SYNPO2: variants seen among roughly 807,000 people sequenced by gnomAD.
SYNPO2 encodes synaptopodin-2.
SYNPO2 carries 56 observed loss-of-function variants against 85.0 expected under a neutral mutation model. That is an observed-to-expected ratio of 0.66 (90% CI 0.53 to 0.82). The LOEUF (loss-of-function observed/expected upper bound fraction) is 0.82. Among genes scored for constraint, SYNPO2 ranks in the 40% least tolerant of loss-of-function variants. SYNPO2 has a pLI of 0.00. For synonymous variants in SYNPO2, 602 were observed against 591.1 expected, an observed-to-expected ratio of 1.02 and a Z score of -0.27; for missense variants, 1,575 against 1,534.2, an observed-to-expected ratio of 1.03 and a Z score of -0.44.
In SYNPO2 at chr4:118,942,404, A is replaced by G. The variant is rs546602869; in HGVS notation, c.105+53263A>G. ...CTTGGTATATGCTCAGTAAATATTG[A>G]CTGAATGAAAGAATGAATGGACAGC... On this transcript the variant is annotated intron_variant, in intron 1 of 4. Coordinates refer to ENST00000307142, the MANE Select transcript of SYNPO2 (RefSeq NM_133477.3). Among the ~76,000 whole-genome samples the G allele has an allele frequency of 1.5e-3, 235 of 152,286 alleles. 1 individual carries two copies. The highest frequency in any genetic ancestry group is 5.4e-3 in the African/African-American group (226 of 41,568).
intron 1 of SYNPO2, among the ~76,000 whole-genome samples, chr4:118,922,805 T>G (rs1319396500): frequency 6.6e-6 from 1 of 152,110 alleles, no homozygotes; most frequent in Non-Finnish European, 1.5e-5. Context: ...CAGGGAGAAG[T>G]GTCTGGTATT....
At chr4:118,867,603 A>T (rs1441600556) in intron 1 of SYNPO2, among the ~76,000 whole-genome samples, 3 of 152,142 alleles carry the variant, frequency 2.0e-5, no homozygotes, top group African/African-American at 7.2e-5. Context: ...CTACCGATTT[A>T]AAAAATCAGT....
chr4:118,868,115 T>A (rs966449337), intron 1 of SYNPO2, among the ~76,000 whole-genome samples: 2 of 146,020 alleles, frequency 1.4e-5, no homozygotes, highest in Non-Finnish European at 3.0e-5. Flanking sequence ...CTTATTTAAA[T>A]TTTTTTGTGC....
intron 1 of SYNPO2, among the ~76,000 whole-genome samples, chr4:118,892,471 A>T (rs1344854601): frequency 6.6e-6 from 1 of 152,174 alleles, no homozygotes; most frequent in Non-Finnish European, 1.5e-5. Flanking sequence ...GTGTGTGCAG[A>T]TAGCTTTACA....
intron 1 of SYNPO2, among the ~76,000 whole-genome samples, chr4:118,977,088 C>A (rs771474607): frequency 6.5e-4 from 99 of 152,330 alleles, no homozygotes; most frequent in South Asian, 2.1e-3. Context: ...GACTGGGCGC[C>A]GTGGAGCAGG....
At chr4:118,863,413 A>C (rs1731646419) in intron 1 of SYNPO2, among the ~76,000 whole-genome samples, 1 of 151,858 alleles carries the variant, frequency 6.6e-6, no homozygotes, top group Non-Finnish European at 1.5e-5. Context: ...GAAATTATCC[A>C]TTTTTTCTAG....
chr4:118,891,231 A>G (rs1732369089), intron 1 of SYNPO2, among the ~76,000 whole-genome samples: 1 of 152,188 alleles, frequency 6.6e-6, no homozygotes, highest in Non-Finnish European at 1.5e-5. Flanking sequence ...TAAGGCATCT[A>G]GATGTTTGCT....
At chr4:118,928,535 T>G (rs1733816586) in intron 1 of SYNPO2, among the ~76,000 whole-genome samples, 1 of 152,092 alleles carries the variant, frequency 6.6e-6, no homozygotes, top group Non-Finnish European at 1.5e-5. Flanking sequence ...AGACTTGAAA[T>G]TCCAGACCAG....
chr4:119,022,487 G>A (rs1254318783), intron 1 of SYNPO2, among the ~76,000 whole-genome samples: 1 of 15,778 alleles, frequency 6.3e-5, no homozygotes, highest in East Asian at 1.9e-3. Context: ...ACCACCAAGC[G>A]GGCTAATTTT....
At chr4:118,895,657 T>C (rs1315322778) in intron 1 of SYNPO2, among the ~76,000 whole-genome samples, 2 of 152,296 alleles carry the variant, frequency 1.3e-5, no homozygotes, top group African/African-American at 4.8e-5. Flanking sequence ...GGGTAGGGCC[T>C]TGGCAAGATG....
intron 4 of SYNPO2, among the ~76,000 whole-genome samples, chr4:119,051,288 C>T (rs4834737): frequency 0.3 from 39,965 of 133,312 alleles, 6,558 homozygotes; most frequent in East Asian, 0.52. Context: ...CTCCCGGGTT[C>T]ACGCCATTCT....
In SYNPO2 at chr4:119,026,636, T is replaced by A; in HGVS notation, c.267T>A (p.Ser89Arg). Reference protein sequence around the residue: ...SLQMLIKRPSSGISEALISEN... With the variant: ...SLQMLIKRPSRGISEALISEN... ...ATTTTTCTGTGTGCAGACCATCCAGTGGAATAAGTGAGGCTTTGATATCTG... is the reference window on the plus strand; with the variant it reads ...ATTTTTCTGTGTGCAGACCATCCAGAGGAATAAGTGAGGCTTTGATATCTG... The change falls in exon 3 of 5, where the codon AGT becomes AGA. Residue 89 changes from serine (S) to arginine (R), a missense_variant. This residue lies in a region of SYNPO2 where 1,508 missense variants were observed against 1,446.8 expected (regional missense o/e 1.04). Transcript: ENST00000307142. 1 of 1,601,838 alleles carries A rather than the reference T, an allele frequency of 6.2e-7. No homozygotes were observed. The highest frequency in any genetic ancestry group is 8.5e-7 in the Non-Finnish European group (1 of 1,174,216).
intron 1 of SYNPO2, among the ~76,000 whole-genome samples, chr4:118,942,876 G>A (rs775716838): frequency 2.6e-5 from 4 of 152,162 alleles, no homozygotes; most frequent in Non-Finnish European, 5.9e-5. Flanking sequence ...GGAGGCTAAG[G>A]TAGGCAGATC....
At chr4:119,047,783 T>C (rs1342512621) in intron 4 of SYNPO2, among the ~76,000 whole-genome samples, 1 of 152,230 alleles carries the variant, frequency 6.6e-6, no homozygotes, top group Non-Finnish European at 1.5e-5. Flanking sequence ...CTGTTTCTAC[T>C]GTCAAGAAAA....
chr4:118,953,544 A>G (rs1379775284), intron 1 of SYNPO2, among the ~76,000 whole-genome samples: 4 of 151,812 alleles, frequency 2.6e-5, no homozygotes, highest in Non-Finnish European at 2.9e-5. Context: ...GGTATTATCA[A>G]CTTCAGCCAA....
chr4:119,034,785 G>T lies in SYNPO2; in HGVS notation c.3252+2758G>T, dbSNP rs1738433792. On this transcript the variant is annotated intron_variant, in intron 4 of 4. Transcript: ENST00000307142. ...CAGGGGCTATATGTGCCACCTTTCAGGTTGGGGCCAAGGAAGTGATGTCAG... is the reference window on the plus strand; with the variant it reads ...CAGGGGCTATATGTGCCACCTTTCATGTTGGGGCCAAGGAAGTGATGTCAG... The T allele has an allele frequency of 1.5e-5, 15 of 985,382 alleles. No homozygotes were observed. In the South Asian group the frequency reaches 6.1e-4, roughly 40 times the overall value. The allele number at this position is 985,382 out of a possible 1,614,324, so 61.0% of individuals were successfully genotyped here. A position where few individuals can be genotyped will look rare whatever the true frequency, so the allele number is the denominator to read the frequency against.
In SYNPO2 at chr4:119,030,369, A is replaced by G. The variant is rs141219187; in HGVS notation, c.1594A>G (p.Thr532Ala). Residue 532 changes from threonine to alanine, a missense_variant, in exon 4 of 5, where the codon ACC (threonine) becomes GCC (alanine). This residue lies in a region of SYNPO2 where 1,508 missense variants were observed against 1,446.8 expected (regional missense o/e 1.04). Coordinates refer to ENST00000307142, the MANE Select transcript of SYNPO2 (RefSeq NM_133477.3). ...QDAAQTDGLR[T>A]TTSYQRKEEE... is the part of the protein sequence containing the mutation. ...TGCTGCCCAGACCGATGGCCTGAGAACCACGACTTCTTACCAAAGAAAGGA... is the reference window on the plus strand; with the variant it reads ...TGCTGCCCAGACCGATGGCCTGAGAGCCACGACTTCTTACCAAAGAAAGGA... The G allele has an allele frequency of 2.9e-5, 47 of 1,614,014 alleles. 1 individual carries two copies. In the Middle Eastern group the frequency reaches 6.6e-4, roughly 23 times the overall value.
At chr4:119,008,286 T>C (rs528951577) in intron 1 of SYNPO2, among the ~76,000 whole-genome samples, 5 of 152,308 alleles carry the variant, frequency 3.3e-5, no homozygotes, top group African/African-American at 9.6e-5. Context: ...CAATTGCCAG[T>C]TCTTCCTGGG....
At chr4:118,945,494 T>G (rs7661559) in intron 1 of SYNPO2, among the ~76,000 whole-genome samples, 16,745 of 152,226 alleles carry the variant, frequency 0.11, 987 homozygotes, top group East Asian at 0.16. Flanking sequence ...TGTATTTGTT[T>G]TATCTATTAA....
Sources: allele counts gnomAD v4.1 joint callset (sites outside exome capture counted in the v4.1 genomes callset), GRCh38; gene constraint gnomAD v4.1.1; regional missense constraint gnomAD v4.1.1; transcripts MANE v1.5; gene names NCBI Gene and HGNC (gene_info 2026-07-23, HGNC 2026-07-21).